CDKAL1: variants seen among roughly 807,000 people sequenced by gnomAD.
CDKAL1 encodes the protein threonylcarbamoyladenosine tRNA methylthiotransferase.
In CDKAL1, 32 loss-of-function variants were observed where a neutral mutation model predicts 68.2. That is an observed-to-expected ratio of 0.47 (90% confidence interval 0.35 to 0.63). CDKAL1 has a LOEUF of 0.63. Among genes scored for constraint, CDKAL1 ranks in the 30% least tolerant of loss-of-function variants. The probability of loss-of-function intolerance (pLI) is 0.00; values close to 1 mark genes in which losing one functional copy is unlikely to be tolerated. For missense variants in CDKAL1, 606 were observed against 696.7 expected (o/e 0.87, Z 1.47); for synonymous variants, 234 against 244.3 (o/e 0.96, Z 0.39).
intron 2 of CDKAL1, among the ~76,000 whole-genome samples, chr6:20,543,322 G>A (rs1763460418): frequency 6.6e-6 from 1 of 152,158 alleles, no homozygotes; most frequent in Admixed American, 6.5e-5. Flanking sequence ...ATCCTTGCCG[G>A]TGTTTGGTGG....
At chr6:21,035,967 T>C (rs979616813) in intron 11 of CDKAL1, among the ~76,000 whole-genome samples, 5 of 152,188 alleles carry the variant, frequency 3.3e-5, no homozygotes, top group African/African-American at 1.2e-4. Context: ...CGCCACTCAA[T>C]TGCACAGTTA....
intron 5 of CDKAL1, among the ~76,000 whole-genome samples, chr6:20,691,621 T>G (rs1304426508): frequency 6.6e-6 from 1 of 151,950 alleles, no homozygotes; most frequent in African/African-American, 2.4e-5. Context: ...GTGAGGATAA[T>G]TGAGAAAGGG....
chr6:21,210,197 C>T (rs944334949), intron 15 of CDKAL1, among the ~76,000 whole-genome samples: 20 of 152,156 alleles, frequency 1.3e-4, no homozygotes, highest in South Asian at 2.1e-4. Context: ...GTTGGAGATA[C>T]CATCCTGCCC....
rs866149277 is a variant in CDKAL1, at chr6:21,177,094, T to C, written c.1300-20927T>C. 3.3e-5 allele frequency among the ~76,000 whole-genome samples: 5 copies of C among 152,232 alleles called. No individual in the cohort carries two copies. The South Asian group carries it at 8.3e-4, about 25-fold the overall frequency. ...ACAACTCTGCTATTCATTTGAATTA[T>C]TTACATAAGCAAGGCCTCTCCTTCT... On this transcript the variant is annotated intron_variant, in intron 13 of 15. Transcript: ENST00000274695.
intron 14 of CDKAL1, chr6:21,200,845 G>T: frequency 3.6e-6 from 1 of 277,232 alleles, no homozygotes. Flanking sequence ...GGGGATCCCA[G>T]AACAGAAAAA....
chr6:20,951,832 C>T (rs1486797794), intron 9 of CDKAL1, among the ~76,000 whole-genome samples: 2 of 152,094 alleles, frequency 1.3e-5, no homozygotes, highest in African/African-American at 4.8e-5. Flanking sequence ...TAATTTCTGT[C>T]TCCTACTTTC....
intron 12 of CDKAL1, among the ~76,000 whole-genome samples, chr6:21,071,466 C>G (rs1311021668): frequency 6.6e-6 from 1 of 152,098 alleles, no homozygotes; most frequent in Non-Finnish European, 1.5e-5. Context: ...TATAATTTAC[C>G]CAGTCTCAGG....
At chr6:20,934,496 T>G (rs1287918694) in intron 9 of CDKAL1, among the ~76,000 whole-genome samples, 1 of 152,084 alleles carries the variant, frequency 6.6e-6, no homozygotes, top group Non-Finnish European at 1.5e-5. Context: ...TTTTCTTAGT[T>G]GTGTAGTCTG....
At chr6:21,108,378 G>GTT in intron 12 of CDKAL1, 23 bp from the exon 13 acceptor site, 2 of 1,557,818 alleles carry the variant, frequency 1.3e-6, no homozygotes, top group Non-Finnish European at 1.7e-6. Flanking sequence ...TTGGTTTTTT[G>GTT]TTTTTTTTGT....
intron 9 of CDKAL1, among the ~76,000 whole-genome samples, chr6:20,926,925 T>TA (rs1554141510): frequency 0.011 from 1,582 of 147,078 alleles, 14 homozygotes; most frequent in Non-Finnish European, 0.015. Flanking sequence ...ATATATATTT[T>TA]TATATATATA....
At chr6:20,598,108 A>C (rs960685151) in intron 4 of CDKAL1, among the ~76,000 whole-genome samples, 2 of 152,184 alleles carry the variant, frequency 1.3e-5, no homozygotes, top group South Asian at 4.1e-4. Context: ...ATAGTGCTGT[A>C]ATAGGAACTG....
chr6:21,098,505 A>T (rs1400444907), intron 12 of CDKAL1, among the ~76,000 whole-genome samples: 1 of 150,208 alleles, frequency 6.7e-6, no homozygotes, highest in African/African-American at 2.4e-5. Flanking sequence ...GGTAAAACTG[A>T]AATGTTATGA....
At chr6:20,969,955 C>CT (rs1299294203) in intron 10 of CDKAL1, among the ~76,000 whole-genome samples, 1 of 140,684 alleles carries the variant, frequency 7.1e-6, no homozygotes, top group Non-Finnish European at 1.5e-5. Context: ...TTTTTTTAAG[C>CT]TTTTTGATTT....
chr6:20,783,447 A>G (rs975976326), intron 8 of CDKAL1, among the ~76,000 whole-genome samples: 4 of 152,026 alleles, frequency 2.6e-5, no homozygotes, highest in African/African-American at 9.7e-5. Flanking sequence ...GTCACTCCCT[A>G]CTTCACACCC....
chr6:21,185,594 C>A (rs1377191302), intron 13 of CDKAL1, among the ~76,000 whole-genome samples: 1 of 152,140 alleles, frequency 6.6e-6, no homozygotes, highest in Non-Finnish European at 1.5e-5. Flanking sequence ...TAGGTCTGAA[C>A]CAAAGTACTC....
intron 8 of CDKAL1, among the ~76,000 whole-genome samples, chr6:20,822,048 G>A (rs1777302870): frequency 6.6e-6 from 1 of 152,142 alleles, no homozygotes; most frequent in African/African-American, 2.4e-5. Flanking sequence ...ATTGTGTATG[G>A]CTACTTTTGC....
rs190802668 is a variant in CDKAL1 at position 21,020,757 on chromosome 6, G to A, written c.1055+20385G>A. Among the ~76,000 whole-genome samples the A allele has an allele frequency of 3.4e-3, 517 of 150,046 alleles. 5 individuals carry two copies. The highest frequency in any genetic ancestry group is 0.011 in the African/African-American group (450 of 40,728). On this transcript the variant is annotated intron_variant, in intron 11 of 15. Transcript: ENST00000274695. Reference sequence around the variant, plus strand: ...GCTGGAATTACAGGCGTGAGCCACCGTGCCTGGCCTTTTTTCCTTTTTTTT... The same window carrying A: ...GCTGGAATTACAGGCGTGAGCCACCATGCCTGGCCTTTTTTCCTTTTTTTT...
intron 5 of CDKAL1, among the ~76,000 whole-genome samples, chr6:20,711,557 A>G (rs1231595839): frequency 6.6e-6 from 1 of 152,216 alleles, no homozygotes. Context: ...ACTTACATTA[A>G]TACATTTTGA....
intron 5 of CDKAL1, among the ~76,000 whole-genome samples, chr6:20,690,966 G>A (rs1195326378): frequency 6.6e-6 from 1 of 152,102 alleles, no homozygotes; most frequent in African/African-American, 2.4e-5. Flanking sequence ...TTATATGGTG[G>A]TGAATATACT....
Sources: allele counts gnomAD v4.1 joint callset (sites outside exome capture counted in the v4.1 genomes callset), GRCh38; gene constraint gnomAD v4.1.1; transcripts MANE v1.5; gene names NCBI Gene and HGNC (gene_info 2026-07-23, HGNC 2026-07-21).